Variants in ABCA1 observed in about 807,000 individuals in gnomAD.
ABCA1 encodes the protein ATP binding cassette subfamily A member 1.
In ABCA1, 133 loss-of-function variants were observed where a neutral mutation model predicts 262.5. That is an observed-to-expected ratio of 0.51 (90% confidence interval 0.44 to 0.59). The LOEUF is 0.59. Ranked by LOEUF, ABCA1 falls within the 20% of genes least tolerant of loss-of-function variation. ABCA1 has a pLI of 0.00. For synonymous variants in ABCA1, 1,022 were observed against 1,043.5 expected (o/e 0.98, Z 0.40); for missense variants, 2,452 against 2,777.5 (o/e 0.88, Z 2.63).
At chr9:104,881,865 G>T (rs889271679) in intron 5 of ABCA1, among the ~76,000 whole-genome samples, 1 of 151,690 alleles carries the variant, frequency 6.6e-6, no homozygotes, top group Non-Finnish European at 1.5e-5. Context: ...GCACAGCCAG[G>T]AGTTGTCTAA....
intron 38 of ABCA1, 36 bp from the exon 39 acceptor site, chr9:104,796,233 G>A: frequency 6.2e-7 from 1 of 1,614,118 alleles, no homozygotes; most frequent in Non-Finnish European, 8.5e-7. Context: ...TCTACTGAGA[G>A]TCCCTGCCCT....
rs1445439340 is a variant in ABCA1, at chr9:104,889,114, C to G, written c.148G>C (p.Glu50Gln). The G allele has an allele frequency of 3.1e-6, 5 of 1,613,884 alleles. No homozygotes were observed. In the African/African-American group the frequency reaches 5.3e-5, roughly 17 times the overall value. The stretch of plus-strand genomic sequence containing the variant: ...CACAGTTACTTACATTCATGTTGTT[C>G]ATAGGGTGGGTAGCTCAGCCGAACA... ...ISVRLSYPPY[E>Q]QHECHFPNKA... Residue 50 changes from glutamate (E) to glutamine (Q), a missense_variant, in exon 3 of 50, where the codon GAA (glutamate) becomes CAA (glutamine). Glu to Gln is a conservative substitution (Grantham distance 29). This residue lies in a region of ABCA1 where 1,032 missense variants were observed against 1,089.7 expected (regional missense o/e 0.95). Coordinates refer to ENST00000374736, the MANE Select transcript of ABCA1 (RefSeq NM_005502.4).
chr9:104,854,589 C>A (rs989726751), intron 7 of ABCA1, among the ~76,000 whole-genome samples: 1 of 152,142 alleles, frequency 6.6e-6, no homozygotes, highest in African/African-American at 2.4e-5. Flanking sequence ...GCCCTCTCCT[C>A]GCTCTGGGAA....
At chr9:104,785,923 C>T (rs1262666716) in intron 48 of ABCA1, among the ~76,000 whole-genome samples, 4 of 152,208 alleles carry the variant, frequency 2.6e-5, no homozygotes, top group African/African-American at 7.2e-5. Context: ...AGTCACTTGC[C>T]CATGGCTCAG....
chr9:104,850,186 A>C (rs1355073131), intron 7 of ABCA1, among the ~76,000 whole-genome samples: 1 of 152,088 alleles, frequency 6.6e-6, no homozygotes, highest in East Asian at 1.9e-4. Flanking sequence ...CAGTGGTGTG[A>C]TCTCAGCTCA....
At chr9:104,918,013 T>C (rs926193730) in intron 1 of ABCA1, among the ~76,000 whole-genome samples, 1 of 152,242 alleles carries the variant, frequency 6.6e-6, no homozygotes, top group African/African-American at 2.4e-5. Flanking sequence ...AATATATTGA[T>C]GATTACAAAA....
intron 2 of ABCA1, among the ~76,000 whole-genome samples, chr9:104,892,792 T>C (rs1461533962): frequency 2.6e-5 from 4 of 152,226 alleles, no homozygotes; most frequent in Non-Finnish European, 1.5e-5. Flanking sequence ...TGGAAATTCA[T>C]CCTAGGAAAC....
intron 1 of ABCA1, among the ~76,000 whole-genome samples, chr9:104,909,689 G>C (rs984482109): frequency 2.7e-5 from 4 of 150,584 alleles, no homozygotes; most frequent in Non-Finnish European, 5.9e-5. Context: ...GGGAAATGAT[G>C]ACCCTAGTTA....
intron 48 of ABCA1, 121 bp downstream of exon 48, chr9:104,786,177 A>C: frequency 1.2e-6 from 1 of 838,542 alleles, no homozygotes; most frequent in Non-Finnish European, 2.0e-6. Flanking sequence ...CATTCTTTCC[A>C]CTATACTGTT....
intron 47 of ABCA1, among the ~76,000 whole-genome samples, 159 bp downstream of exon 47, chr9:104,786,714 T>C (rs745673218): frequency 1.3e-5 from 2 of 152,258 alleles, no homozygotes; most frequent in Non-Finnish European, 2.9e-5. Flanking sequence ...GTATTTATAC[T>C]GGGCTTGCAT....
chr9:104,841,716 G>A (rs1032531087), intron 8 of ABCA1, among the ~76,000 whole-genome samples: 4 of 152,168 alleles, frequency 2.6e-5, no homozygotes, highest in Non-Finnish European at 5.9e-5. Context: ...CCACACAAGA[G>A]GGTGCCCTGC....
intron 1 of ABCA1, among the ~76,000 whole-genome samples, chr9:104,922,375 T>C (rs1259456085): frequency 6.6e-6 from 1 of 152,172 alleles, no homozygotes; most frequent in Non-Finnish European, 1.5e-5. Context: ...TGTCAAAACT[T>C]TGATAGTCTG....
At chr9:104,879,919 G>A (rs550929785) in intron 5 of ABCA1, among the ~76,000 whole-genome samples, 19 of 152,344 alleles carry the variant, frequency 1.2e-4, no homozygotes, top group Middle Eastern at 3.4e-3. Flanking sequence ...TAAGAGGAAA[G>A]GAGGCCATTT....
At chr9:104,839,143 C>T (rs927239640) in intron 9 of ABCA1, among the ~76,000 whole-genome samples, 1 of 152,176 alleles carries the variant, frequency 6.6e-6, no homozygotes, top group Admixed American at 6.5e-5. Context: ...GACATTGGAT[C>T]CCTGCTGCCA....
At chr9:104,888,253 T>C (rs1244970643) in intron 3 of ABCA1, among the ~76,000 whole-genome samples, 1 of 152,024 alleles carries the variant, frequency 6.6e-6, no homozygotes, top group Non-Finnish European at 1.5e-5. Flanking sequence ...GTGGGTCTCG[T>C]AGGGGTATGG....
rs144668344 is a variant in ABCA1 at position 104,911,617 on chromosome 9, T to C, written c.-92-7846A>G. On this transcript the variant is annotated intron_variant, in intron 1 of 49. Transcript: ENST00000374736. Reference sequence around the variant, plus strand: ...AACTTTTCTGGCCTCCAGATGCTACTGGGCCCTCTATCCTTAAGGGTATCC... The same window carrying C: ...AACTTTTCTGGCCTCCAGATGCTACCGGGCCCTCTATCCTTAAGGGTATCC... 6.1e-3 allele frequency among the ~76,000 whole-genome samples: 926 copies of C among 152,312 alleles called. 7 individuals carry two copies. The highest frequency in any genetic ancestry group is 0.021 in the African/African-American group (889 of 41,568).
chr9:104,867,201 G>A (rs1244244350), intron 5 of ABCA1, among the ~76,000 whole-genome samples: 1 of 152,208 alleles, frequency 6.6e-6, no homozygotes, highest in Non-Finnish European at 1.5e-5. Flanking sequence ...GGAGAGTCAG[G>A]TGAGTGGCAG....
intron 5 of ABCA1, among the ~76,000 whole-genome samples, chr9:104,875,670 A>T (rs76194717): frequency 1.3e-5 from 2 of 151,982 alleles, no homozygotes; most frequent in Non-Finnish European, 2.9e-5. Context: ...TAAAAAAAAA[A>T]GGTATTTCAG....
intron 2 of ABCA1, among the ~76,000 whole-genome samples, chr9:104,898,289 G>A (rs10991401): frequency 0.017 from 2,631 of 152,096 alleles, 28 homozygotes; most frequent in Non-Finnish European, 0.021. Flanking sequence ...TGTGGGTCAC[G>A]CCTGTAATCC....
Sources: allele counts gnomAD v4.1 joint callset (sites outside exome capture counted in the v4.1 genomes callset), GRCh38; gene constraint gnomAD v4.1.1; regional missense constraint gnomAD v4.1.1; transcripts MANE v1.5; gene names NCBI Gene and HGNC (gene_info 2026-07-23, HGNC 2026-07-21).